PLPBP: variants seen among roughly 807,000 people sequenced by gnomAD.
PLPBP encodes pyridoxal phosphate binding protein.
A neutral mutation model predicts 31.2 loss-of-function variants in PLPBP; 21 were observed. The observed-to-expected ratio is 0.67, with a 90% CI of 0.48 to 0.97. The LOEUF (loss-of-function observed/expected upper bound fraction) is 0.97, where lower values mean the gene tolerates loss of function less well. Ranked by LOEUF, PLPBP falls within the 50% of genes least tolerant of loss-of-function variation. The pLI is 0.00. For missense variants in PLPBP, 308 were observed against 354.4 expected, an observed-to-expected ratio of 0.87 and a Z score of 1.05; for synonymous variants, 124 against 135.6, an observed-to-expected ratio of 0.91 and a Z score of 0.59.
chr8:37,763,895 C>A (rs1417814216), intron 1 of PLPBP, among the ~76,000 whole-genome samples: 2 of 152,130 alleles, frequency 1.3e-5, no homozygotes, highest in Non-Finnish European at 2.9e-5. Flanking sequence ...AAGACTAAAT[C>A]GTGCAAGGAT....
intron 5 of PLPBP, among the ~76,000 whole-genome samples, chr8:37,773,168 T>C (rs1803819457): frequency 6.6e-6 from 1 of 150,686 alleles, no homozygotes; most frequent in Non-Finnish European, 1.5e-5. Flanking sequence ...CTTCGTTTTG[T>C]ATTTTTGTTT....
chr8:37,765,537 C>T lies in PLPBP; in HGVS notation c.111C>T (p.Ala37=), dbSNP rs949574955. 3 of 1,613,784 alleles carry T rather than the reference C, an allele frequency of 1.9e-6. No individual in the cohort carries two copies. Among genetic ancestry groups the T allele is most frequent in the Non-Finnish European group, 2.5e-6 (3 of 1,179,940 alleles). ...TTCCCTCTTGGCAGGATCTCCCAGC[C>T]ATCCAGCCCCGGCTAGTGGCGGTCA... The part of the protein sequence containing the change: ...AVARRPRDLP[A]IQPRLVAVSK... The change falls in exon 2 of 8, where the codon GCC becomes GCT. Residue 37 remains alanine (A), a synonymous_variant. Coordinates refer to ENST00000328195, the MANE Select transcript of PLPBP (RefSeq NM_007198.4).
In PLPBP at chr8:37,777,965, T is replaced by G. The variant is rs766667849; in HGVS notation, c.697-8T>G. 6.2e-7 allele frequency: 1 copy of G among 1,609,242 alleles called. No individual in the cohort carries two copies. Among genetic ancestry groups the G allele is most frequent in the Non-Finnish European group, 8.5e-7 (1 of 1,176,500 alleles). ...CTGGTCCTCGATACCTTCTCTTTTT[T>G]CCCACAGGTTGAAGTAGGATCTACA... On this transcript the variant is annotated splice_polypyrimidine_tract_variant and splice_region_variant and intron_variant, in intron 7 of 7. Transcript: ENST00000328195.
chr8:37,774,594 A>G (rs1432355355), intron 5 of PLPBP, among the ~76,000 whole-genome samples: 2 of 152,232 alleles, frequency 1.3e-5, no homozygotes, highest in Non-Finnish European at 1.5e-5. Flanking sequence ...AAATCTTAGT[A>G]TGCAGGAACA....
At chr8:37,776,504 CAAAA>C (rs1326737747) in intron 7 of PLPBP, among the ~76,000 whole-genome samples, 4 of 109,420 alleles carry the variant, frequency 3.7e-5, no homozygotes, top group South Asian at 2.8e-4. Context: ...AAAAAAAAAA[CAAAA>C]GAAAGAAAAG....
At chr8:37,775,868 G>A (rs938952655) in intron 6 of PLPBP, 50 bp from the exon 7 acceptor site, 1 of 1,495,212 alleles carries the variant, frequency 6.7e-7, no homozygotes, top group Admixed American at 1.7e-5. Flanking sequence ...ACACTTTTGG[G>A]CATCGTTAGA....
intron 1 of PLPBP, among the ~76,000 whole-genome samples, chr8:37,764,456 G>A (rs187548050): frequency 5.3e-5 from 8 of 152,260 alleles, no homozygotes. Flanking sequence ...CAAGTAGCTC[G>A]GATTACAGAT....
At chr8:37,777,813 T>G (rs747339565) in intron 7 of PLPBP, among the ~76,000 whole-genome samples, 160 bp from the exon 8 acceptor site, 1 of 152,170 alleles carries the variant, frequency 6.6e-6, no homozygotes, top group Non-Finnish European at 1.5e-5. Flanking sequence ...TCTCGTGATC[T>G]GCCCACCTCG....
At chr8:37,774,986 A>T (rs1803862453) in intron 5 of PLPBP, 1 of 164,218 alleles carries the variant, frequency 6.1e-6, no homozygotes, top group Non-Finnish European at 1.3e-5. Context: ...TTCTTGATTT[A>T]GAAAAGTAAT....
At chr8:37,766,218 C>G (rs1253159460) in intron 3 of PLPBP, 62 bp from the exon 4 acceptor site, 2 of 1,268,924 alleles carry the variant, frequency 1.6e-6, no homozygotes, top group Non-Finnish European at 2.2e-6. Flanking sequence ...GTGCACGAGG[C>G]GTTTGAGCCA....
chr8:37,762,619 G>T (rs751994469), upstream of PLPBP: 17 of 1,542,736 alleles, frequency 1.1e-5, no homozygotes, highest in Middle Eastern at 6.9e-4. Flanking sequence ...TGTGAGCCAC[G>T]GGCTGCCGGG....
At chr8:37,770,896 G>T (rs913427103) in intron 4 of PLPBP, among the ~76,000 whole-genome samples, 1 of 152,098 alleles carries the variant, frequency 6.6e-6, no homozygotes, top group South Asian at 2.1e-4. Context: ...ATATGTAAAG[G>T]TGATGGGAGG....
rs1803874716 is a variant in PLPBP, at chr8:37,775,390, A to G, written c.506A>G (p.Asn169Ser). The change falls in exon 6 of 8, where the codon AAC becomes AGC. Residue 169 changes from asparagine (N) to serine (S), a missense_variant. Asn to Ser is a conservative substitution (Grantham distance 46). This residue lies in a region of PLPBP where 188 missense variants were observed against 259.3 expected (regional missense o/e 0.73). Transcript: ENST00000328195. ...ACCATAGCCATCGTGGAGCACATAA[A>G]CGCCAAGTGTCCTAACCTGGAGTTT... ...SETIAIVEHI[N>S]AKCPNLEFVG... 6.2e-7 allele frequency: 1 copy of G among 1,614,078 alleles called. No individual in the cohort carries two copies. Among genetic ancestry groups the G allele is most frequent in the Non-Finnish European group, 8.5e-7 (1 of 1,180,036 alleles).
intron 5 of PLPBP, 64 bp downstream of exon 5, chr8:37,772,953 T>C: frequency 1.3e-6 from 2 of 1,585,912 alleles, no homozygotes; most frequent in Non-Finnish European, 1.7e-6. Flanking sequence ...TTAGGGAGAA[T>C]GGGTGGGCCC....
chr8:37,776,560 C>G (rs1302810391), intron 7 of PLPBP, among the ~76,000 whole-genome samples: 1 of 123,902 alleles, frequency 8.1e-6, no homozygotes, highest in African/African-American at 3.0e-5. Flanking sequence ...ACTTTTAAAA[C>G]AAAATATAAT....
At chr8:37,768,207 CTG>C (rs1343313593) in intron 4 of PLPBP, among the ~76,000 whole-genome samples, 7 of 152,224 alleles carry the variant, frequency 4.6e-5, no homozygotes, top group African/African-American at 7.2e-5. Context: ...AACAAAATAA[CTG>C]TGTTATGGGA....
rs146142368 is a variant in PLPBP, at chr8:37,775,993, A to G, written c.673A>G (p.Met225Val). ...PADQVELSMG[M>V]SADFQHAVEV... ...TGACCAGGTTGAGCTGAGCATGGGCATGTCCGCGGATTTCCAGCATGCGGT... is the reference window on the plus strand; with the variant it reads ...TGACCAGGTTGAGCTGAGCATGGGCGTGTCCGCGGATTTCCAGCATGCGGT... The change falls in exon 7 of 8, where the codon ATG (methionine) becomes GTG (valine). Residue 225 changes from methionine to valine, a missense_variant. Met to Val is a conservative substitution (Grantham distance 21). This residue lies in a region of PLPBP where 188 missense variants were observed against 259.3 expected (regional missense o/e 0.73). Coordinates refer to ENST00000328195, the MANE Select transcript of PLPBP (RefSeq NM_007198.4). 3 of 1,613,762 alleles carry G rather than the reference A, an allele frequency of 1.9e-6. No homozygotes were observed. The highest frequency in any genetic ancestry group is 1.7e-5 in the Admixed American group (1 of 60,010).
intron 7 of PLPBP, among the ~76,000 whole-genome samples, chr8:37,777,603 C>T (rs112554165): frequency 0.014 from 2,071 of 151,868 alleles, 37 homozygotes; most frequent in African/African-American, 0.048. Context: ...GATGGAGTTT[C>T]GCTCTTGTTG....
Position 37,775,973 on chromosome 8 carries a change from A to G in PLPBP, c.653A>G (p.Gln218Arg), listed in dbSNP as rs1803893736. ...LCKKLNIPAD[Q>R]VELSMGMSAD... ...AAAAAGCTGAACATCCCTGCTGACC[A>G]GGTTGAGCTGAGCATGGGCATGTCC... The change falls in exon 7 of 8, where the codon CAG becomes CGG. Residue 218 changes from glutamine (Q) to arginine (R), a missense_variant. Coordinates refer to ENST00000328195, the MANE Select transcript of PLPBP (RefSeq NM_007198.4). 6.2e-7 allele frequency: 1 copy of G among 1,613,980 alleles called. No individual in the cohort carries two copies. The highest frequency in any genetic ancestry group is 8.5e-7 in the Non-Finnish European group (1 of 1,179,948).
Sources: allele counts gnomAD v4.1 joint callset (sites outside exome capture counted in the v4.1 genomes callset), GRCh38; gene constraint gnomAD v4.1.1; regional missense constraint gnomAD v4.1.1; transcripts MANE v1.5; gene names NCBI Gene and HGNC (gene_info 2026-07-23, HGNC 2026-07-21).